Variants in ADAMTSL3 observed in about 807,000 individuals in gnomAD.
The protein encoded by ADAMTSL3 is ADAMTS-like protein 3.
ADAMTSL3 carries 128 observed loss-of-function variants against 201.7 expected under a neutral mutation model. The ratio of observed to expected loss-of-function variants is 0.63; its 90% CI spans 0.55 to 0.73. ADAMTSL3 has a LOEUF of 0.73. Ranked by LOEUF, ADAMTSL3 falls within the 30% of genes least tolerant of loss-of-function variation. The probability of loss-of-function intolerance (pLI) is 0.00; values close to 1 mark genes in which losing one functional copy is unlikely to be tolerated. For synonymous variants in ADAMTSL3, 738 were observed against 748.4 expected, an observed-to-expected ratio of 0.99 and a Z score of 0.23; for missense variants, 1,990 against 2,119.6, an observed-to-expected ratio of 0.94 and a Z score of 1.20.
intron 17 of ADAMTSL3, among the ~76,000 whole-genome samples, chr15:83,935,891 G>C (rs2066452065): frequency 6.6e-6 from 1 of 151,982 alleles, no homozygotes; most frequent in African/African-American, 2.4e-5. Flanking sequence ...TTTAAAAAGA[G>C]CTTGGCACAT....
In ADAMTSL3 at chr15:83,704,813, T is replaced by C. The variant is rs552522940; in HGVS notation, c.189+305T>C. Reference sequence around the variant, plus strand: ...CATTGATGATTCAATTCTGAAATTATCCAAAATTCTGTTTTCTGCTTATGT... The same window carrying C: ...CATTGATGATTCAATTCTGAAATTACCCAAAATTCTGTTTTCTGCTTATGT... On this transcript the variant is annotated intron_variant, in intron 3 of 29. Coordinates refer to ENST00000286744, the MANE Select transcript of ADAMTSL3 (RefSeq NM_207517.3). Among the ~76,000 whole-genome samples, 4 of 152,370 alleles carry C rather than the reference T, an allele frequency of 2.6e-5. No individual in the cohort carries two copies. In the South Asian group the frequency reaches 6.2e-4, roughly 24 times the overall value.
chr15:83,962,136 G>T (rs943124222), intron 19 of ADAMTSL3: 1 of 152,056 alleles, frequency 6.6e-6, no homozygotes, highest in Non-Finnish European at 1.5e-5. Flanking sequence ...TTCCCTTTTC[G>T]CTTGGCTCTC....
At chr15:83,836,235 A>G (rs772632497) in intron 6 of ADAMTSL3, among the ~76,000 whole-genome samples, 3 of 152,170 alleles carry the variant, frequency 2.0e-5, no homozygotes, top group Admixed American at 6.5e-5. Context: ...CTCCTAGACT[A>G]TGATTGAATA....
At chr15:84,035,379 A>G (rs1479057806) in intron 28 of ADAMTSL3, among the ~76,000 whole-genome samples, 1 of 152,224 alleles carries the variant, frequency 6.6e-6, no homozygotes, top group African/African-American at 2.4e-5. Context: ...AAGTTTCTTC[A>G]GTGGAAGGCT....
At chr15:83,672,224 A>G (rs1344407475) in intron 2 of ADAMTSL3, among the ~76,000 whole-genome samples, 1 of 152,174 alleles carries the variant, frequency 6.6e-6, no homozygotes, top group East Asian at 1.9e-4. Context: ...TATGTTATAA[A>G]ATGGATACTC....
At chr15:83,991,850 T>C (rs1255233260) in intron 23 of ADAMTSL3, among the ~76,000 whole-genome samples, 7 of 152,238 alleles carry the variant, frequency 4.6e-5, no homozygotes, top group Non-Finnish European at 1.0e-4. Flanking sequence ...CATTAAGCCA[T>C]GGATTCTTAA....
intron 3 of ADAMTSL3, among the ~76,000 whole-genome samples, chr15:83,705,297 A>G (rs1347944854): frequency 2.0e-5 from 3 of 152,148 alleles, no homozygotes; most frequent in African/African-American, 7.2e-5. Flanking sequence ...GTAGGGCCCA[A>G]GTGAAGGTGA....
chr15:83,826,683 C>G (rs1382591952), intron 6 of ADAMTSL3, among the ~76,000 whole-genome samples: 7 of 135,614 alleles, frequency 5.2e-5, no homozygotes, highest in African/African-American at 1.6e-4. Flanking sequence ...ACAACAGGAC[C>G]CGGTGTGTGA....
At chr15:83,986,736 G>A (rs917307028) in intron 21 of ADAMTSL3, among the ~76,000 whole-genome samples, 13 of 152,206 alleles carry the variant, frequency 8.5e-5, no homozygotes, top group African/African-American at 3.1e-4. Context: ...AAACTGTGTA[G>A]GCATGGAGTA....
intron 19 of ADAMTSL3, among the ~76,000 whole-genome samples, chr15:83,951,995 A>G (rs2066767487): frequency 6.6e-6 from 1 of 151,952 alleles, no homozygotes; most frequent in Non-Finnish European, 1.5e-5. Context: ...TATTTCTTCT[A>G]CTAATTTTGG....
intron 14 of ADAMTSL3, 65 bp downstream of exon 14, chr15:83,898,070 T>G: frequency 8.1e-6 from 12 of 1,481,414 alleles, no homozygotes; most frequent in Non-Finnish European, 1.1e-5. Context: ...TCCAATATTG[T>G]AGCATTTCCC....
At chr15:83,910,883 G>GC (rs920985934) in intron 15 of ADAMTSL3, among the ~76,000 whole-genome samples, 1 of 149,554 alleles carries the variant, frequency 6.7e-6, no homozygotes, top group Admixed American at 6.7e-5. Flanking sequence ...CAGGTGATTC[G>GC]CCCGCCTCAG....
chr15:84,006,642 G>A (rs1467836105), intron 23 of ADAMTSL3, among the ~76,000 whole-genome samples: 1 of 152,130 alleles, frequency 6.6e-6, no homozygotes, highest in African/African-American at 2.4e-5. Flanking sequence ...TATCAGAGCT[G>A]CAAGTCTTGG....
intron 19 of ADAMTSL3, among the ~76,000 whole-genome samples, chr15:83,952,197 A>G (rs921427859): frequency 6.6e-6 from 1 of 152,108 alleles, no homozygotes; most frequent in Non-Finnish European, 1.5e-5. Flanking sequence ...TTTCCTTCTT[A>G]ATTTCTTTAT....
intron 7 of ADAMTSL3, among the ~76,000 whole-genome samples, chr15:83,838,529 A>G (rs1235372354): frequency 6.6e-6 from 1 of 152,238 alleles, no homozygotes; most frequent in African/African-American, 2.4e-5. Flanking sequence ...ACTGCTAACA[A>G]GGTAGAAAAT....
chr15:83,870,338 A>G (rs1337352219), intron 8 of ADAMTSL3, among the ~76,000 whole-genome samples: 2 of 152,354 alleles, frequency 1.3e-5, no homozygotes, highest in East Asian at 1.9e-4. Context: ...GGACCTCTCT[A>G]TACTATTTTT....
intron 6 of ADAMTSL3, among the ~76,000 whole-genome samples, chr15:83,826,280 T>A (rs1395017698): frequency 1.3e-5 from 2 of 152,060 alleles, no homozygotes; most frequent in Admixed American, 1.3e-4. Flanking sequence ...CATGCTAGGA[T>A]AATTTTTATT....
At chr15:83,808,292 A>C (rs2063635190) in intron 5 of ADAMTSL3, among the ~76,000 whole-genome samples, 3 of 152,206 alleles carry the variant, frequency 2.0e-5, no homozygotes, top group Admixed American at 6.5e-5. Context: ...AAAGAAACCC[A>C]AAACAAATAA....
At chr15:83,990,202 A>G (rs947199791) in intron 22 of ADAMTSL3, among the ~76,000 whole-genome samples, 5 of 152,154 alleles carry the variant, frequency 3.3e-5, no homozygotes, top group African/African-American at 1.2e-4. Context: ...CCAAGCACAC[A>G]TATAGCTTAT....
Sources: gnomAD v4.1 joint callset for allele counts (sites outside exome capture counted in the v4.1 genomes callset) on GRCh38, gnomAD v4.1.1 for gene constraint, MANE v1.5 for transcripts, NCBI Gene and HGNC (gene_info 2026-07-23, HGNC 2026-07-21) for gene names.